The following LIFR variants were observed in gnomAD, a reference collection of about 807,000 sequenced individuals.
The protein encoded by LIFR is LIF receptor subunit alpha.
Under a neutral mutation model 122.2 loss-of-function variants are expected in LIFR, and 84 were observed. The observed-to-expected ratio is 0.69, with a 90% CI of 0.58 to 0.82. The LOEUF (loss-of-function observed/expected upper bound fraction) is 0.82, where lower values mean the gene tolerates loss of function less well. LIFR is among the 40% of genes least tolerant of loss of function. The probability of loss-of-function intolerance (pLI) is 0.00; values close to 1 mark genes in which losing one functional copy is unlikely to be tolerated. For missense variants in LIFR, 1,294 were observed against 1,311.6 expected (o/e 0.99, Z 0.21); for synonymous variants, 422 against 434.7 (o/e 0.97, Z 0.36).
chr5:38,599,007 G>A (rs554500962), upstream of LIFR, among the ~76,000 whole-genome samples: 12 of 152,298 alleles, frequency 7.9e-5, no homozygotes, highest in South Asian at 2.5e-3. Flanking sequence ...TCTCAGTTGA[G>A]GAATGGGTAT....
intron 1 of LIFR, among the ~76,000 whole-genome samples, chr5:38,573,531 A>T (rs929032582): frequency 1.3e-5 from 2 of 152,210 alleles, no homozygotes; most frequent in South Asian, 2.1e-4. Flanking sequence ...CTAACTTAAT[A>T]TCAGAGCAAA....
intron 1 of LIFR, among the ~76,000 whole-genome samples, chr5:38,538,979 G>A (rs1462702646): frequency 2.0e-5 from 3 of 148,332 alleles, no homozygotes; most frequent in African/African-American, 7.5e-5. Flanking sequence ...TTTTTTTTTT[G>A]AGACGGAGTC....
At chr5:38,524,913 G>A (rs529897119) in intron 4 of LIFR, among the ~76,000 whole-genome samples, 1 of 152,258 alleles carries the variant, frequency 6.6e-6, no homozygotes, top group South Asian at 2.1e-4. Flanking sequence ...ACAAATAGTT[G>A]TTACCTGTGC....
At chr5:38,589,726 G>GTC (rs1749862478) in intron 1 of LIFR, among the ~76,000 whole-genome samples, 1 of 151,446 alleles carries the variant, frequency 6.6e-6, no homozygotes, top group East Asian at 1.9e-4. Context: ...AAATGTGTGT[G>GTC]TGTGTGTGTG....
At chr5:38,528,162 T>C (rs1746791346) in intron 3 of LIFR, among the ~76,000 whole-genome samples, 1 of 152,186 alleles carries the variant, frequency 6.6e-6, no homozygotes, top group African/African-American at 2.4e-5. Flanking sequence ...CTCCTATTCC[T>C]TTTCTGCTGA....
At chr5:38,543,374 G>A (rs976897316) in intron 1 of LIFR, among the ~76,000 whole-genome samples, 7 of 152,176 alleles carry the variant, frequency 4.6e-5, no homozygotes, top group African/African-American at 7.2e-5. Context: ...ATTGTGGCTC[G>A]TAAGGAGCAA....
At chr5:38,578,275 C>T (rs565092112) in intron 1 of LIFR, among the ~76,000 whole-genome samples, 67 of 133,776 alleles carry the variant, frequency 5.0e-4, no homozygotes, top group African/African-American at 1.4e-3. Flanking sequence ...GGTGTGATCT[C>T]GGCTCACCGC....
intron 1 of LIFR, among the ~76,000 whole-genome samples, chr5:38,589,029 ACT>A (rs1749838471): frequency 1.4e-5 from 2 of 140,450 alleles, no homozygotes; most frequent in Admixed American, 1.5e-4. Flanking sequence ...ATGGAGTCTC[ACT>A]CTGTTGCCGA....
intron 5 of LIFR, among the ~76,000 whole-genome samples, chr5:38,513,570 C>G (rs1745918125): frequency 6.6e-6 from 1 of 152,194 alleles, no homozygotes; most frequent in South Asian, 2.1e-4. Context: ...ATTCCAAAAA[C>G]AGGGGGATTG....
At chr5:38,575,592 A>G (rs911875129) in intron 1 of LIFR, among the ~76,000 whole-genome samples, 4 of 152,188 alleles carry the variant, frequency 2.6e-5, no homozygotes, top group African/African-American at 7.2e-5. Context: ...TGAAGAACAC[A>G]GGGCTGCCTG....
intron 4 of LIFR, among the ~76,000 whole-genome samples, chr5:38,525,305 G>A (rs1746620397): frequency 6.6e-6 from 1 of 152,108 alleles, no homozygotes. Context: ...TAAAGTAAAG[G>A]TGAGTTAGAA....
chr5:38,499,147 A>G (rs1193347059), intron 12 of LIFR, among the ~76,000 whole-genome samples: 1 of 152,238 alleles, frequency 6.6e-6, no homozygotes, highest in Non-Finnish European at 1.5e-5. Context: ...AATAAATTAC[A>G]CATGAAGTAT....
chr5:38,522,245 A>G (rs942635759), intron 5 of LIFR, among the ~76,000 whole-genome samples: 6 of 152,208 alleles, frequency 3.9e-5, no homozygotes, highest in Admixed American at 2.0e-4. Context: ...AGTTGCAGGC[A>G]GGGGACTCTG....
intron 4 of LIFR, among the ~76,000 whole-genome samples, chr5:38,524,233 T>C (rs1047572957): frequency 6.6e-6 from 1 of 152,230 alleles, no homozygotes; most frequent in Non-Finnish European, 1.5e-5. Context: ...AGAAATGCTA[T>C]GGGCATTACT....
In LIFR at chr5:38,484,853, ATAAT is replaced by A. The variant is rs1435281238; in HGVS notation, c.2509_2512del (p.Ile837LeufsTer16). 9 of 1,612,078 alleles carry A rather than the reference ATAAT, an allele frequency of 5.6e-6. No individual in the cohort carries two copies. Among genetic ancestry groups the A allele is most frequent in the South Asian group, 1.1e-5 (1 of 91,028 alleles). On this transcript the variant is annotated frameshift_variant, in exon 18 of 20. Coordinates refer to ENST00000453190, the MANE Select transcript of LIFR (RefSeq NM_001127671.2). LOFTEE classifies it high-confidence loss of function. Reference sequence around the variant, plus strand: ...CACTGCCACTGGGATGAGAATGGCAATAATTAATCCCACAGCTGAAACGAGAGTA... The same window carrying A: ...CACTGCCACTGGGATGAGAATGGCAATAATCCCACAGCTGAAACGAGAGTA...
intron 16 of LIFR, among the ~76,000 whole-genome samples, chr5:38,487,541 G>GT (rs1366993657): frequency 6.6e-6 from 1 of 152,056 alleles, no homozygotes; most frequent in East Asian, 1.9e-4. Flanking sequence ...ATTTTGCTGT[G>GT]TATTTAATGA....
chr5:38,546,326 A>G (rs1179521037), intron 1 of LIFR, among the ~76,000 whole-genome samples: 1 of 152,220 alleles, frequency 6.6e-6, no homozygotes, highest in Non-Finnish European at 1.5e-5. Flanking sequence ...AAAGTGAAGG[A>G]AAAGATGGGC....
chr5:38,604,941 C>T (rs991058120), intron 2 of LIFR, among the ~76,000 whole-genome samples: 6 of 151,924 alleles, frequency 3.9e-5, no homozygotes, highest in Non-Finnish European at 5.9e-5. Context: ...TAAATTTAAG[C>T]GTATTCTGAC....
At chr5:38,506,175 T>C (rs1042991310) in intron 8 of LIFR, 101 bp from the exon 9 acceptor site, 8 of 775,744 alleles carry the variant, frequency 1.0e-5, no homozygotes, top group Non-Finnish European at 1.7e-5. Context: ...AAAGTTTAAA[T>C]TTCTAATTAG....
Sources: gnomAD v4.1 joint callset for allele counts (sites outside exome capture counted in the v4.1 genomes callset) on GRCh38, gnomAD v4.1.1 for gene constraint, MANE v1.5 for transcripts, NCBI Gene and HGNC (gene_info 2026-07-23, HGNC 2026-07-21) for gene names.